The following TATDN1 variants were observed in gnomAD, a reference collection of about 807,000 sequenced individuals.
TATDN1 encodes the protein TatD DNase domain containing 1, also known as deoxyribonuclease TATDN1.
A neutral mutation model predicts 46.4 loss-of-function variants in TATDN1; 40 were observed. That is an observed-to-expected ratio of 0.86 (90% CI 0.67 to 1.12). TATDN1 has a LOEUF of 1.12. TATDN1 is among the 50% of genes most tolerant of loss of function. The probability of loss-of-function intolerance (pLI) is 0.00; values close to 1 mark genes in which losing one functional copy is unlikely to be tolerated. For missense variants in TATDN1, 326 were observed against 348.4 expected (o/e 0.94, Z 0.51); for synonymous variants, 95 against 105.6 (o/e 0.90, Z 0.62).
chr8:124,535,279 T>C (rs1457604281), intron 1 of TATDN1, among the ~76,000 whole-genome samples: 1 of 152,182 alleles, frequency 6.6e-6, no homozygotes, highest in Non-Finnish European at 1.5e-5. Context: ...AACACACACG[T>C]ATTTACTATT....
At chr8:124,511,022 G>T (rs967710870) in intron 6 of TATDN1, among the ~76,000 whole-genome samples, 2 of 152,054 alleles carry the variant, frequency 1.3e-5, no homozygotes, top group African/African-American at 4.8e-5. Context: ...CTTTAGAGAA[G>T]AAAAACCCGC....
At chr8:124,524,661 C>T (rs10112325) in intron 1 of TATDN1, among the ~76,000 whole-genome samples, 99 of 152,224 alleles carry the variant, frequency 6.5e-4, no homozygotes, top group African/African-American at 2.0e-3. Context: ...TCTGAGGAAG[C>T]CTTTATTCAA....
intron 1 of TATDN1, among the ~76,000 whole-genome samples, chr8:124,525,143 C>CT (rs1284965014): frequency 6.6e-6 from 1 of 151,822 alleles, no homozygotes; most frequent in Admixed American, 6.6e-5. Flanking sequence ...TCATCCTAAT[C>CT]TTTTTTTTAT....
At chr8:124,533,545 G>A (rs1027950353) in intron 1 of TATDN1, among the ~76,000 whole-genome samples, 1 of 152,106 alleles carries the variant, frequency 6.6e-6, no homozygotes, top group Non-Finnish European at 1.5e-5. Flanking sequence ...TGCAAAAAAG[G>A]AGGGGAGCTG....
intron 11 of TATDN1, 118 bp from the exon 12 acceptor site, chr8:124,488,814 T>G: frequency 1.5e-6 from 1 of 663,740 alleles, no homozygotes; most frequent in South Asian, 1.8e-5. Context: ...TAATAAAGCT[T>G]AACAGTTATT....
At chr8:124,514,629 G>A (rs918195381) in intron 6 of TATDN1, among the ~76,000 whole-genome samples, 2 of 152,150 alleles carry the variant, frequency 1.3e-5, no homozygotes, top group African/African-American at 4.8e-5. Flanking sequence ...TCAGTCTAAT[G>A]TTTTATCATT....
At chr8:124,525,163 TAA>T (rs1309204024) in intron 1 of TATDN1, among the ~76,000 whole-genome samples, 4 of 152,124 alleles carry the variant, frequency 2.6e-5, no homozygotes, top group Non-Finnish European at 5.9e-5. Context: ...TTTTTCTTTT[TAA>T]GACAGAGTCT....
At chr8:124,516,103 G>A in intron 4 of TATDN1, 73 bp from the exon 5 acceptor site, 1 of 1,266,126 alleles carries the variant, frequency 7.9e-7, no homozygotes, top group Non-Finnish European at 1.0e-6. Flanking sequence ...GATATTTAGA[G>A]GATATCAAGT....
intron 1 of TATDN1, among the ~76,000 whole-genome samples, chr8:124,535,943 C>T (rs1821393783): frequency 6.6e-6 from 1 of 152,108 alleles, no homozygotes; most frequent in African/African-American, 2.4e-5. Flanking sequence ...GGAAGTGACC[C>T]AAACACCTCC....
At chr8:124,522,845 A>G in intron 2 of TATDN1, 92 bp downstream of exon 2, 2 of 1,108,528 alleles carry the variant, frequency 1.8e-6, no homozygotes, top group Non-Finnish European at 2.8e-6. Flanking sequence ...GTGAGCCACA[A>G]GACTCAGCTT....
intron 9 of TATDN1, among the ~76,000 whole-genome samples, chr8:124,498,603 A>C (rs1159496594): frequency 6.6e-6 from 1 of 152,066 alleles, no homozygotes; most frequent in Non-Finnish European, 1.5e-5. Flanking sequence ...ATCTCTTCTG[A>C]GGCCCCTTAG....
intron 1 of TATDN1, among the ~76,000 whole-genome samples, chr8:124,534,967 T>C (rs941882667): frequency 2.6e-5 from 4 of 152,328 alleles, no homozygotes; most frequent in South Asian, 2.1e-4. Flanking sequence ...AAGAGACACA[T>C]AGAGACATGT....
At chr8:124,506,357 G>GAAAAAGAA (rs1818430982) in intron 8 of TATDN1, among the ~76,000 whole-genome samples, 1 of 121,528 alleles carries the variant, frequency 8.2e-6, no homozygotes, top group Non-Finnish European at 1.7e-5. Context: ...AAAAAAAAAA[G>GAAAAAGAA]AAAAAGAAAA....
At chr8:124,492,465 T>C (rs777921514) in intron 11 of TATDN1, among the ~76,000 whole-genome samples, 2 of 152,158 alleles carry the variant, frequency 1.3e-5, no homozygotes, top group Non-Finnish European at 2.9e-5. Flanking sequence ...TTTTCTCTAG[T>C]GTCCTTTTAG....
intron 1 of TATDN1, among the ~76,000 whole-genome samples, chr8:124,532,468 G>A (rs1821050204): frequency 6.6e-6 from 1 of 152,124 alleles, no homozygotes; most frequent in Admixed American, 6.5e-5. Context: ...GTTTTTTATA[G>A]AGACGAGGTT....
chr8:124,526,031 C>T (rs1820465641), intron 1 of TATDN1, among the ~76,000 whole-genome samples: 1 of 152,216 alleles, frequency 6.6e-6, no homozygotes, highest in African/African-American at 2.4e-5. Context: ...CTTGAAGCCG[C>T]TTGCTATGTG....
chr8:124,489,777 T>A (rs1816795840), intron 11 of TATDN1: 1 of 152,206 alleles, frequency 6.6e-6, no homozygotes, highest in South Asian at 2.1e-4. Flanking sequence ...TTATTATATA[T>A]AAGTGGAAGA....
intron 11 of TATDN1, 145 bp from the exon 12 acceptor site, chr8:124,488,841 T>C: frequency 1.6e-6 from 1 of 618,496 alleles, no homozygotes; most frequent in South Asian, 1.9e-5. Context: ...TTCAGCAATA[T>C]CAATAGAAAA....
intron 9 of TATDN1, among the ~76,000 whole-genome samples, chr8:124,498,165 T>G (rs1452602784): frequency 6.6e-6 from 1 of 152,136 alleles, no homozygotes; most frequent in Non-Finnish European, 1.5e-5. Context: ...TTTTGGGAGG[T>G]TGCTAGTGTT....
Sources: allele counts gnomAD v4.1 joint callset (sites outside exome capture counted in the v4.1 genomes callset), GRCh38; gene constraint gnomAD v4.1.1; transcripts MANE v1.5; gene names NCBI Gene and HGNC (gene_info 2026-07-23, HGNC 2026-07-21).